The following DNER variants were observed in gnomAD, a reference collection of about 807,000 sequenced individuals.
DNER encodes delta/notch like EGF repeat containing.
Under a neutral mutation model 78.2 loss-of-function variants are expected in DNER, and 33 were observed. That is an observed-to-expected ratio of 0.42 (90% confidence interval 0.32 to 0.56). DNER has a LOEUF of 0.56. Ranked by LOEUF, DNER falls within the 20% of genes least tolerant of loss-of-function variation. The pLI, the probability that DNER is intolerant of heterozygous loss-of-function variation, is 0.11. For missense variants in DNER, 918 were observed against 975.3 expected (o/e 0.94, Z 0.78); for synonymous variants, 417 against 384.8 (o/e 1.08, Z -0.98).
chr2:229,504,926 G>A (rs976515940), intron 6 of DNER, among the ~76,000 whole-genome samples: 1 of 152,160 alleles, frequency 6.6e-6, no homozygotes, highest in African/African-American at 2.4e-5. Flanking sequence ...CTGGCAAATG[G>A]CATGTGGTGG....
intron 4 of DNER, among the ~76,000 whole-genome samples, chr2:229,577,109 T>G (rs1327677386): frequency 6.6e-6 from 1 of 152,148 alleles, no homozygotes; most frequent in Non-Finnish European, 1.5e-5. Flanking sequence ...TCCAGGAAGC[T>G]GGAGGAAGCT....
In DNER at chr2:229,512,797, C is replaced by G. The variant is rs780271188; in HGVS notation, c.1133G>C (p.Cys378Ser). Residue 378 changes from cysteine (C) to serine (S), a missense_variant, in exon 6 of 13, where the codon TGT (cysteine) becomes TCT (serine). Physicochemically the swap from Cys to Ser is moderately radical, Grantham distance 112. Coordinates refer to ENST00000341772, the MANE Select transcript of DNER (RefSeq NM_139072.4). ...NEKQDGSNFT[C>S]VCLPGYTGEL... ...ATGTGTCGTACCAGGAAGGCAAACA[C>G]AGGTGAAATTGCTCCCATCTTGCTT... is the stretch of plus-strand genomic sequence containing the variant. 3 of 1,614,042 alleles carry G rather than the reference C, an allele frequency of 1.9e-6. No individual in the cohort carries two copies. Among genetic ancestry groups the G allele is most frequent in the South Asian group, 1.1e-5 (1 of 91,082 alleles).
At chr2:229,370,383 C>A (rs1692454505) in intron 11 of DNER, among the ~76,000 whole-genome samples, 1 of 152,208 alleles carries the variant, frequency 6.6e-6, no homozygotes, top group Non-Finnish European at 1.5e-5. Flanking sequence ...TTTGAGTCTG[C>A]CTGCCTGAGC....
chr2:229,654,939 A>G (rs934242837), intron 1 of DNER, among the ~76,000 whole-genome samples: 2 of 152,232 alleles, frequency 1.3e-5, no homozygotes, highest in African/African-American at 4.8e-5. Flanking sequence ...TCTACAAGAA[A>G]AAAACTACAT....
In DNER at chr2:229,614,004, T is replaced by C. The variant is rs1356358943; in HGVS notation, c.277-22116A>G. Among the ~76,000 whole-genome samples the C allele has an allele frequency of 9.9e-5, 14 of 141,210 alleles. No homozygotes were observed. The South Asian group carries it at 3.1e-3, about 31-fold the overall frequency. The allele number at this position is 141,210 out of a possible 152,430, so 92.6% of individuals were successfully genotyped here. A position where few individuals can be genotyped will look rare whatever the true frequency, so the allele number is the denominator to read the frequency against. On this transcript the variant is annotated intron_variant, in intron 1 of 12. Coordinates refer to ENST00000341772, the MANE Select transcript of DNER (RefSeq NM_139072.4). The stretch of plus-strand genomic sequence containing the variant: ...GAACACATGGACACAGGAAGGGGAA[T>C]ATCACACTCCGGGGCCTGTTGTGGG...
At chr2:229,688,883 A>G (rs997955113) in intron 1 of DNER, among the ~76,000 whole-genome samples, 22 of 152,142 alleles carry the variant, frequency 1.4e-4, no homozygotes, top group African/African-American at 5.1e-4. Flanking sequence ...GCAAACTAAC[A>G]CAGGAACAGA....
chr2:229,488,334 G>C (rs1458812439), intron 6 of DNER, among the ~76,000 whole-genome samples: 3 of 152,228 alleles, frequency 2.0e-5, no homozygotes, highest in African/African-American at 7.2e-5. Context: ...GTGTATGCAT[G>C]TCTGCGTGCA....
chr2:229,493,797 T>C (rs1233012553), intron 6 of DNER, among the ~76,000 whole-genome samples: 3 of 152,214 alleles, frequency 2.0e-5, no homozygotes, highest in Admixed American at 2.0e-4. Context: ...ATGATGAGAC[T>C]TGTTCTAATC....
At chr2:229,624,496 TA>T (rs5839343) in intron 1 of DNER, among the ~76,000 whole-genome samples, 73,678 of 151,098 alleles carry the variant, frequency 0.49, 20,109 homozygotes, top group Admixed American at 0.6. Flanking sequence ...TATAATAAAC[TA>T]AAAAAAAAAT....
intron 1 of DNER, among the ~76,000 whole-genome samples, chr2:229,627,865 G>T (rs759296770): frequency 6.6e-6 from 1 of 152,244 alleles, no homozygotes. Flanking sequence ...AGCCCCAGGG[G>T]CACTGCAGTG....
At chr2:229,360,361 G>C (rs1192155431) in intron 12 of DNER, among the ~76,000 whole-genome samples, 3 of 152,132 alleles carry the variant, frequency 2.0e-5, no homozygotes, top group African/African-American at 7.2e-5. Flanking sequence ...TTATTCGATT[G>C]GTTGGCTGAA....
At chr2:229,636,966 C>G (rs1698541031) in intron 1 of DNER, among the ~76,000 whole-genome samples, 1 of 152,164 alleles carries the variant, frequency 6.6e-6, no homozygotes, top group Admixed American at 6.6e-5. Flanking sequence ...GGAACTGACA[C>G]TCTCCAAAAA....
intron 6 of DNER, among the ~76,000 whole-genome samples, chr2:229,495,037 A>AT (rs1366228320): frequency 6.6e-6 from 1 of 152,066 alleles, no homozygotes; most frequent in Non-Finnish European, 1.5e-5. Context: ...CAACTTTCTC[A>AT]TTTTTTTGCA....
At chr2:229,605,523 A>T (rs570704958) in intron 1 of DNER, among the ~76,000 whole-genome samples, 1 of 152,346 alleles carries the variant, frequency 6.6e-6, no homozygotes, top group Admixed American at 6.5e-5. Context: ...ACCCACTGGG[A>T]AAACTGTCAG....
At chr2:229,537,899 A>G (rs1245202059) in intron 5 of DNER, among the ~76,000 whole-genome samples, 2 of 152,188 alleles carry the variant, frequency 1.3e-5, no homozygotes, top group African/African-American at 4.8e-5. Context: ...TTTATAATAA[A>G]TGATTCAAAT....
chr2:229,707,790 G>C (rs1179847099), intron 1 of DNER, among the ~76,000 whole-genome samples: 1 of 152,240 alleles, frequency 6.6e-6, no homozygotes, highest in African/African-American at 2.4e-5. Flanking sequence ...TAGACTGCCA[G>C]CTCATGCTCT....
chr2:229,567,842 T>C (rs1697141689), intron 4 of DNER, among the ~76,000 whole-genome samples: 1 of 152,202 alleles, frequency 6.6e-6, no homozygotes, highest in Non-Finnish European at 1.5e-5. Context: ...CCCTTATCTG[T>C]CCAGAACAGA....
At chr2:229,702,650 G>T (rs1008399016) in intron 1 of DNER, among the ~76,000 whole-genome samples, 7 of 151,988 alleles carry the variant, frequency 4.6e-5, no homozygotes, top group Non-Finnish European at 1.0e-4. Flanking sequence ...GGGCACGGTG[G>T]CTCACGCCTG....
intron 4 of DNER, among the ~76,000 whole-genome samples, chr2:229,566,457 A>G (rs1457709721): frequency 1.3e-5 from 2 of 152,186 alleles, no homozygotes; most frequent in African/African-American, 2.4e-5. Context: ...ATGTATTGCA[A>G]TGAAGCCCCA....
Sources: allele counts gnomAD v4.1 joint callset (sites outside exome capture counted in the v4.1 genomes callset), GRCh38; gene constraint gnomAD v4.1.1; transcripts MANE v1.5; gene names NCBI Gene and HGNC (gene_info 2026-07-23, HGNC 2026-07-21).